FLOT1: variants seen among roughly 807,000 people sequenced by gnomAD.
FLOT1 encodes the protein flotillin-1.
Under a neutral mutation model 58.4 loss-of-function variants are expected in FLOT1, and 40 were observed. The observed-to-expected ratio is 0.69, with a 90% CI of 0.53 to 0.89. FLOT1 has a LOEUF of 0.89. FLOT1 is among the 40% of genes least tolerant of loss of function. FLOT1 has a pLI of 0.00. For synonymous variants in FLOT1, 178 were observed against 204.2 expected, an observed-to-expected ratio of 0.87 and a Z score of 1.09; for missense variants, 423 against 540.8, an observed-to-expected ratio of 0.78 and a Z score of 2.16.
In FLOT1 at chr6:30,738,214, A is replaced by G. The variant is rs183267374; in HGVS notation, c.723+1944T>C. 2.4e-3 allele frequency among the ~76,000 whole-genome samples: 361 copies of G among 152,302 alleles called. 3 individuals are homozygous for G. The highest frequency in any genetic ancestry group is 7.7e-3 in the African/African-American group (320 of 41,550). ...CAGCTGGTCAGGGCCAGGGCCTGCAATTTTGTATTTCTAACAAGCTTCGCA... is the reference window on the plus strand; with the variant it reads ...CAGCTGGTCAGGGCCAGGGCCTGCAGTTTTGTATTTCTAACAAGCTTCGCA... On this transcript the variant is annotated intron_variant, in intron 8 of 12. Transcript: ENST00000376389.
rs1777946195 is a variant in FLOT1, at chr6:30,741,104, A to C, written c.354+86T>G. 6.7e-7 allele frequency: 1 copy of C among 1,502,090 alleles called. No homozygotes were observed. The highest frequency in any genetic ancestry group is 1.1e-5 in the South Asian group (1 of 87,962). The allele number at this position is 1,502,090 out of a possible 1,614,324, so 93.0% of individuals were successfully genotyped here. ...GCCCGGCCGGGATGTATGCTCTTGGATCCACTGTCTCTCACAGACTAGTGT... is the reference window on the plus strand; with the variant it reads ...GCCCGGCCGGGATGTATGCTCTTGGCTCCACTGTCTCTCACAGACTAGTGT... On this transcript the variant is annotated intron_variant, in intron 5 of 12. Transcript: ENST00000376389. This position sits in a 1 kb window ranked among gnomAD's most constrained non-coding sequence, Gnocchi z 5.9.
At chr6:30,728,615 A>G (rs1210025591) in intron 12 of FLOT1, among the ~76,000 whole-genome samples, 6 of 151,472 alleles carry the variant, frequency 4.0e-5, no homozygotes, top group Non-Finnish European at 7.4e-5. Context: ...GATTACAGGT[A>G]TGCGCCACCA....
chr6:30,740,148 T>A lies in FLOT1; in HGVS notation c.723+10A>T. On this transcript the variant is annotated intron_variant, in intron 8 of 12. Transcript: ENST00000376389. ...GAAGGGGCAGAGAGTGGCCTGGCAGTGGCTCTGACCTGAAGCTGATAGGCC... is the reference window on the plus strand; with the variant it reads ...GAAGGGGCAGAGAGTGGCCTGGCAGAGGCTCTGACCTGAAGCTGATAGGCC... The A allele has an allele frequency of 6.2e-7, 1 of 1,612,564 alleles. No homozygotes were observed.
At position 30,737,052 on chromosome 6, in the gene FLOT1, G is replaced by A. The variant is rs78955922; in HGVS notation, c.723+3106C>T. 0.074 allele frequency among the ~76,000 whole-genome samples: 11,198 copies of A among 151,858 alleles called. 667 individuals are homozygous for A. The highest frequency in any genetic ancestry group is 0.16 in the African/African-American group (6,493 of 41,356). On this transcript the variant is annotated intron_variant, in intron 8 of 12. Coordinates refer to ENST00000376389, the MANE Select transcript of FLOT1 (RefSeq NM_005803.4). This position sits in a 1 kb window ranked among gnomAD's most constrained non-coding sequence, Gnocchi z 4.4. ...TCCATCGTGACCACACAAACCCTTT[G>A]TGATCTGGCCCTGCCTGCCTTTCCT...
chr6:30,733,315 C>T (rs3130658), intron 8 of FLOT1, among the ~76,000 whole-genome samples: 11,047 of 152,206 alleles, frequency 0.073, 581 homozygotes, highest in Non-Finnish European at 0.12. Flanking sequence ...GGATTACAGG[C>T]GTTAGCCACT....
intron 8 of FLOT1, among the ~76,000 whole-genome samples, chr6:30,734,183 T>C (rs1322890819): frequency 6.6e-6 from 1 of 152,096 alleles, no homozygotes; most frequent in African/African-American, 2.4e-5. Context: ...TGTTTCAATG[T>C]ATATATTTTT....
Position 30,740,278 on chromosome 6 carries a change from A to G in FLOT1, c.603T>C (p.Ala201=). The G allele has an allele frequency of 6.2e-7, 1 of 1,612,972 alleles. No homozygotes were observed. The highest frequency in any genetic ancestry group is 8.5e-7 in the Non-Finnish European group (1 of 1,180,032). Reference sequence around the variant, plus strand: ...CCATCTCGATCTCACTCAGGTACTGAGCAGACACCTTTTCCTGCTTGGCTT... The same window carrying G: ...CCATCTCGATCTCACTCAGGTACTGGGCAGACACCTTTTCCTGCTTGGCTT... ...EAKAKQEKVS[A]QYLSEIEMAK... is the part of the protein sequence containing the mutation. Residue 201 remains alanine, a synonymous_variant, in exon 8 of 13, where the codon GCT becomes GCC. Transcript: ENST00000376389.
intron 11 of FLOT1, 79 bp downstream of exon 11, chr6:30,730,349 C>T (rs1777072501): frequency 6.6e-7 from 1 of 1,521,480 alleles, no homozygotes; most frequent in Admixed American, 2.0e-5. Context: ...GCTGTTTCTC[C>T]CTAAGCCCCT....
Position 30,729,600 on chromosome 6 carries a change from T to C in FLOT1, c.1254+422A>G, listed in dbSNP as rs142059847. ...GCAACAAAACAGTGGTTCCAGAGCC[T>C]GTTTGCTGACTTCTACCATGATCTA... On this transcript the variant is annotated intron_variant, in intron 12 of 12. Transcript: ENST00000376389. Among the ~76,000 whole-genome samples, 3 of 152,334 alleles carry C rather than the reference T, an allele frequency of 2.0e-5. No individual in the cohort carries two copies. In the East Asian group the frequency reaches 5.8e-4, roughly 29 times the overall value.
chr6:30,733,969 T>C (rs957095561), intron 8 of FLOT1, among the ~76,000 whole-genome samples: 2 of 148,584 alleles, frequency 1.3e-5, no homozygotes, highest in African/African-American at 5.0e-5. Flanking sequence ...GGAGAATCAC[T>C]TGAGCCTGGG....
intron 8 of FLOT1, among the ~76,000 whole-genome samples, chr6:30,733,262 C>T (rs1361514153): frequency 1.3e-5 from 2 of 152,044 alleles, no homozygotes; most frequent in African/African-American, 4.8e-5. Flanking sequence ...TCTTGAACTC[C>T]TTATCTCAGG....
chr6:30,734,453 C>T (rs969555280), intron 8 of FLOT1, among the ~76,000 whole-genome samples: 1 of 151,088 alleles, frequency 6.6e-6, no homozygotes, highest in South Asian at 2.1e-4. Flanking sequence ...GGACTGCAGG[C>T]GCGTACCACC....
chr6:30,742,341 C>T lies in FLOT1; in HGVS notation c.-14-138G>A, dbSNP rs757208347. On this transcript the variant is annotated intron_variant, in intron 1 of 12. Coordinates refer to ENST00000376389, the MANE Select transcript of FLOT1 (RefSeq NM_005803.4). The surrounding 1 kb of genome is among the most constrained non-coding windows in gnomAD (Gnocchi z 5.2). ...CCCGTCCCTTCTACACCCATGGGTC[C>T]GCTAAGGCTTTTCCCTACAAAATCC... The T allele has an allele frequency of 2.8e-6, 2 of 702,150 alleles. No homozygotes were observed. Among genetic ancestry groups the T allele is most frequent in the Non-Finnish European group, 5.1e-6 (2 of 395,992 alleles). 43.5% of individuals were successfully genotyped at this position (702,150 alleles called of 1,614,324 possible).
Position 30,740,723 on chromosome 6 carries a change from T to C in FLOT1, c.430A>G (p.Ile144Val). ...TTCAGAGTGTAGCTAACCACACTGA[T>C]GCCCATGTTGACCAGGTCTGAGGAG... ...VASSDLVNMG[I>V]SVVSYTLKDI... Residue 144 changes from isoleucine to valine, a missense_variant, in exon 6 of 13, where the codon ATC (isoleucine) becomes GTC (valine). This residue lies in a region of FLOT1 where 137 missense variants were observed against 194.6 expected (regional missense o/e 0.70). Transcript: ENST00000376389. 2 of 1,612,982 alleles carry C rather than the reference T, an allele frequency of 1.2e-6. No individual in the cohort carries two copies. The highest frequency in any genetic ancestry group is 1.7e-6 in the Non-Finnish European group (2 of 1,179,992).
intron 12 of FLOT1, 94 bp from the exon 13 acceptor site, chr6:30,728,239 G>C (rs530695676): frequency 9.8e-7 from 1 of 1,025,578 alleles, no homozygotes; most frequent in Admixed American, 1.7e-5. Flanking sequence ...ATGGGCTATA[G>C]GCAGAACACA....
intron 5 of FLOT1, 36 bp from the exon 6 acceptor site, chr6:30,740,834 G>GTTTTTTTT (rs34375360): frequency 2.8e-5 from 37 of 1,314,360 alleles, no homozygotes; most frequent in South Asian, 6.3e-5. Context: ...AGGGATGTAA[G>GTTTTTTTT]TTTTTTTTTT....
At chr6:30,736,856 G>C (rs1041626948) in intron 8 of FLOT1, among the ~76,000 whole-genome samples, 6 of 152,102 alleles carry the variant, frequency 3.9e-5, no homozygotes, top group African/African-American at 1.4e-4. Flanking sequence ...GCCTCCCAAA[G>C]TGTTGGGATT....
intron 8 of FLOT1, among the ~76,000 whole-genome samples, chr6:30,735,494 G>C (rs1302668558): frequency 6.6e-6 from 1 of 151,604 alleles, no homozygotes; most frequent in Non-Finnish European, 1.5e-5. Context: ...GTGGTGGTGG[G>C]CACTTGTAAT....
In FLOT1 at chr6:30,740,724, G is replaced by A; in HGVS notation, c.429C>T (p.Gly143=). Residue 143 remains glycine (G), a synonymous_variant, in exon 6 of 13, where the codon GGC becomes GGT. Coordinates refer to ENST00000376389, the MANE Select transcript of FLOT1 (RefSeq NM_005803.4). Reference sequence around the variant, plus strand: ...TCAGAGTGTAGCTAACCACACTGATGCCCATGTTGACCAGGTCTGAGGAGG... The same window carrying A: ...TCAGAGTGTAGCTAACCACACTGATACCCATGTTGACCAGGTCTGAGGAGG... ...KVASSDLVNM[G]ISVVSYTLKD... is the part of the protein sequence containing the mutation. 6.2e-7 allele frequency: 1 copy of A among 1,612,926 alleles called. No homozygotes were observed. Among genetic ancestry groups the A allele is most frequent in the South Asian group, 1.1e-5 (1 of 91,070 alleles).
Sources: gnomAD v4.1 joint callset for allele counts (sites outside exome capture counted in the v4.1 genomes callset) on GRCh38, gnomAD v4.1.1 for gene constraint, gnomAD v4.1.1 regional missense constraint, Gnocchi (gnomAD v3.1) non-coding constraint, MANE v1.5 for transcripts, NCBI Gene and HGNC (gene_info 2026-07-23, HGNC 2026-07-21) for gene names.